P2RY12: variants seen among roughly 807,000 people sequenced by gnomAD.
P2RY12 encodes purinergic receptor P2Y12, also known as P2Y purinoceptor 12.
In P2RY12, 3 loss-of-function variants were observed where a neutral mutation model predicts 4.5. The observed-to-expected ratio is 0.67, with a 90% CI of 0.31 to 1.74. P2RY12 has a LOEUF of 1.74. P2RY12 is among the 40% of genes most tolerant of loss of function. P2RY12 has a pLI of 0.09. For synonymous variants in P2RY12, 148 were observed against 154.1 expected, an observed-to-expected ratio of 0.96 and a Z score of 0.29; for missense variants, 356 against 407.8, an observed-to-expected ratio of 0.87 and a Z score of 1.09.
chr3:151,378,016 T>C, intron 1 of P2RY12: 1 of 1,597,678 alleles, frequency 6.3e-7, no homozygotes, highest in East Asian at 2.3e-5. Context: ...TTTTAGTTCC[T>C]CCGAACGCAG....
rs2107951114 is a variant in P2RY12 at position 151,368,234 on chromosome 3, T to G, written c.-180+16458A>C. On this transcript the variant is annotated intron_variant, in intron 1 of 2. Coordinates refer to ENST00000302632, the MANE Select transcript of P2RY12 (RefSeq NM_022788.5). Reference sequence around the variant, plus strand: ...CTCTTCCGAGCTCCCCAGGCCTGCTTCTTACCTCAAGCAACGGGTGAGCTG... The same window carrying G: ...CTCTTCCGAGCTCCCCAGGCCTGCTGCTTACCTCAAGCAACGGGTGAGCTG... The G allele has an allele frequency of 1.2e-6, 2 of 1,613,916 alleles. No homozygotes were observed. Among genetic ancestry groups the G allele is most frequent in the Admixed American group, 1.7e-5 (1 of 60,000 alleles).
chr3:151,375,877 A>G (rs879821356), intron 1 of P2RY12: 1 of 468,974 alleles, frequency 2.1e-6, no homozygotes, highest in African/African-American at 2.0e-5. Flanking sequence ...GTTTTTTAAA[A>G]TTTTTCTACC....
intron 1 of P2RY12, among the ~76,000 whole-genome samples, chr3:151,377,352 C>T (rs1009298464): frequency 1.3e-5 from 2 of 152,106 alleles, no homozygotes; most frequent in African/African-American, 2.4e-5. Flanking sequence ...ATGATAGCTT[C>T]GGAATATTTG....
At chr3:151,384,660 A>T (rs912187144) in intron 1 of P2RY12, 32 bp downstream of exon 1, 7 of 200,898 alleles carry the variant, frequency 3.5e-5, no homozygotes, top group South Asian at 1.2e-4. Flanking sequence ...AATAAATCTG[A>T]TGCATTACCA....
At chr3:151,359,634 C>T (rs1437535647) in intron 1 of P2RY12, among the ~76,000 whole-genome samples, 2 of 152,164 alleles carry the variant, frequency 1.3e-5, no homozygotes, top group African/African-American at 4.8e-5. Context: ...AGTCACCCCA[C>T]CTTTCTGCCT....
intron 1 of P2RY12, chr3:151,367,561 A>G: frequency 8.0e-7 from 1 of 1,246,146 alleles, no homozygotes; most frequent in Non-Finnish European, 1.1e-6. Context: ...TCTTATTGGT[A>G]TTGCCTGCAT....
Position 151,380,332 on chromosome 3 carries a change from C to T in P2RY12, c.-180+4360G>A, listed in dbSNP as rs142585577. ...TTAATAAGGGCCAGGTGTGGTGGCT[C>T]ATGCCTGTAATCCCAGCACTTTGGG... On this transcript the variant is annotated intron_variant, in intron 1 of 2. Coordinates refer to ENST00000302632, the MANE Select transcript of P2RY12 (RefSeq NM_022788.5). 376 of 724,512 alleles carry T rather than the reference C, an allele frequency of 5.2e-4. 1 individual carries two copies. Among genetic ancestry groups the T allele is most frequent in the African/African-American group, 5.0e-3 (266 of 53,416 alleles). 44.9% of individuals were successfully genotyped at this position (724,512 alleles called of 1,614,324 possible).
At position 151,350,095 on chromosome 3, in the gene P2RY12, A is replaced by G. The variant is rs757319821; in HGVS notation, c.-179-9335T>C. The G allele has an allele frequency of 1.4e-5, 23 of 1,613,348 alleles. No homozygotes were observed. Among genetic ancestry groups the G allele is most frequent in the Admixed American group, 5.0e-5 (3 of 59,938 alleles). ...AAGTCATGAATGTAACCAGCGCACA[A>G]TCCTTCTCTATGGAGTCGGCAAAGA... is the stretch of plus-strand genomic sequence containing the variant. On this transcript the variant is annotated intron_variant, in intron 1 of 2. Transcript: ENST00000302632.
intron 1 of P2RY12, among the ~76,000 whole-genome samples, chr3:151,363,312 CAGAG>C (rs1308896895): frequency 5.9e-5 from 9 of 152,134 alleles, no homozygotes; most frequent in East Asian, 1.9e-4. Flanking sequence ...GCTGGATACA[CAGAG>C]AGATTTCTAT....
intron 1 of P2RY12, chr3:151,366,077 A>T: frequency 8.7e-7 from 1 of 1,150,724 alleles, no homozygotes; most frequent in East Asian, 2.5e-5. Context: ...GCTTTTATTT[A>T]ATTGATTCAA....
chr3:151,342,550 T>G (rs1751998208), intron 1 of P2RY12, among the ~76,000 whole-genome samples: 2 of 152,220 alleles, frequency 1.3e-5, no homozygotes, highest in African/African-American at 4.8e-5. Context: ...ATCTGTATTT[T>G]AGTGAGCCTT....
chr3:151,350,202 A>G (rs754057447), intron 1 of P2RY12: 34 of 1,613,258 alleles, frequency 2.1e-5, no homozygotes, highest in Non-Finnish European at 2.9e-5. Context: ...CCACAGAGAC[A>G]GGGGGTAAAG....
At chr3:151,378,253 C>A in intron 1 of P2RY12, 1 of 1,327,602 alleles carries the variant, frequency 7.5e-7, no homozygotes, top group South Asian at 1.8e-5. Flanking sequence ...CCTGTGTGGT[C>A]ACTGTACCCA....
Position 151,365,180 on chromosome 3 carries a change from A to G in P2RY12, c.-180+19512T>C, listed in dbSNP as rs755831654. ...TTGTCTGCAATACACTCATGAATGT[A>G]TGTATGGGCCATCAGGATGCTGGCA... On this transcript the variant is annotated intron_variant, in intron 1 of 2. Transcript: ENST00000302632. The G allele has an allele frequency of 3.7e-5, 59 of 1,613,880 alleles. No individual in the cohort carries two copies. The highest frequency in any genetic ancestry group is 4.3e-5 in the Non-Finnish European group (51 of 1,179,880).
intron 1 of P2RY12, among the ~76,000 whole-genome samples, chr3:151,352,996 T>G (rs1224199995): frequency 2.0e-5 from 3 of 152,208 alleles, no homozygotes; most frequent in Non-Finnish European, 4.4e-5. Context: ...AGTATTTCGT[T>G]GAGAATCACC....
At chr3:151,377,906 GTC>G in intron 1 of P2RY12, 1 of 1,125,766 alleles carries the variant, frequency 8.9e-7, no homozygotes, top group Non-Finnish European at 1.2e-6. Context: ...TTTTAGAACA[GTC>G]TGTGTGTCTC....
At chr3:151,352,749 G>C (rs1439603429) in intron 1 of P2RY12, among the ~76,000 whole-genome samples, 1 of 152,048 alleles carries the variant, frequency 6.6e-6, no homozygotes, top group Non-Finnish European at 1.5e-5. Context: ...TTTTTCATTT[G>C]CCTTGACCAG....
chr3:151,339,235 G>T (rs1368163793), intron 2 of P2RY12, among the ~76,000 whole-genome samples: 1 of 151,922 alleles, frequency 6.6e-6, no homozygotes, highest in Non-Finnish European at 1.5e-5. Flanking sequence ...ATGCCTTTTA[G>T]CTTTTTGGTT....
rs1018102675 is a variant in P2RY12 at position 151,338,672 on chromosome 3, GT to G, written c.173del (p.Asn58ThrfsTer16). The part of the protein sequence containing the change: ...RIFFQIRSKS[N>X]FIIFLKNTVI... ...CTGTGTTCTTAAGAAAAATAATAAA[GT>G]TTGATTTACTCCGGATTTGAAAGAA... is the stretch of plus-strand genomic sequence containing the variant. On this transcript the variant is annotated frameshift_variant, in exon 3 of 3. Transcript: ENST00000302632. LOFTEE classifies it high-confidence loss of function. The G allele has an allele frequency of 2.5e-6, 4 of 1,613,606 alleles. No homozygotes were observed. Among genetic ancestry groups the G allele is most frequent in the Non-Finnish European group, 3.4e-6 (4 of 1,179,916 alleles).
Sources: gnomAD v4.1 joint callset for allele counts (sites outside exome capture counted in the v4.1 genomes callset) on GRCh38, gnomAD v4.1.1 for gene constraint, MANE v1.5 for transcripts, NCBI Gene and HGNC (gene_info 2026-07-23, HGNC 2026-07-21) for gene names.